The following CRB1 variants were observed in gnomAD, a reference collection of about 807,000 sequenced individuals.
CRB1 encodes protein crumbs homolog 1.
A neutral mutation model predicts 120.0 loss-of-function variants in CRB1; 83 were observed. The ratio of observed to expected loss-of-function variants is 0.69; its 90% CI spans 0.58 to 0.83. The LOEUF (loss-of-function observed/expected upper bound fraction) is 0.83, where lower values mean the gene tolerates loss of function less well. Among genes scored for constraint, CRB1 ranks in the 40% least tolerant of loss-of-function variants. CRB1 has a pLI of 0.00. For missense variants in CRB1, 1,699 were observed against 1,687.6 expected, an observed-to-expected ratio of 1.01 and a Z score of -0.12; for synonymous variants, 625 against 612.5, an observed-to-expected ratio of 1.02 and a Z score of -0.30.
chr1:197,476,811 C>G (rs754480490), intron 11 of CRB1, among the ~76,000 whole-genome samples: 5 of 152,116 alleles, frequency 3.3e-5, no homozygotes, highest in Non-Finnish European at 5.9e-5. Context: ...AGAAATATGT[C>G]TTTGAAAAAA....
intron 5 of CRB1, among the ~76,000 whole-genome samples, chr1:197,390,868 C>T (rs1023603156): frequency 2.0e-5 from 3 of 151,618 alleles, no homozygotes; most frequent in African/African-American, 4.8e-5. Context: ...ATTTCTAGCC[C>T]GAGGCCCTTA....
In CRB1 at chr1:197,355,681, C is replaced by T. The variant is rs906229711; in HGVS notation, c.989-1150C>T. Among the ~76,000 whole-genome samples, 57 of 152,166 alleles carry T rather than the reference C, an allele frequency of 3.7e-4. 1 individual carries two copies. The highest frequency in any genetic ancestry group is 3.9e-4 in the East Asian group (2 of 5,186). On this transcript the variant is annotated intron_variant, in intron 4 of 11. Coordinates refer to ENST00000367400, the MANE Select transcript of CRB1 (RefSeq NM_201253.3). Reference sequence around the variant, plus strand: ...GCCGTGGGCAGCGGCGCCCACCGGCCGCTCTGAGTTTTGGGCCGGCAAGCC... The same window carrying T: ...GCCGTGGGCAGCGGCGCCCACCGGCTGCTCTGAGTTTTGGGCCGGCAAGCC...
intron 1 of CRB1, among the ~76,000 whole-genome samples, chr1:197,286,206 T>C (rs1655816089): frequency 6.6e-6 from 1 of 151,878 alleles, no homozygotes; most frequent in African/African-American, 2.4e-5. Flanking sequence ...TTCTAGAAAA[T>C]AGAGAGAAGG....
chr1:197,438,609 G>A lies in CRB1; in HGVS notation c.3812G>A (p.Gly1271Glu), dbSNP rs1665276651. 3 of 1,613,036 alleles carry A rather than the reference G, an allele frequency of 1.9e-6. No individual in the cohort carries two copies. The highest frequency in any genetic ancestry group is 1.7e-6 in the Non-Finnish European group (2 of 1,179,168). ...NEKTNLTCYN[G>E]GNCTEFQTEL... ...AAGACAAATCTCACTTGCTACAATGGAGGCAACTGCACAGAGTTCCAGACT... is the reference window on the plus strand; with the variant it reads ...AAGACAAATCTCACTTGCTACAATGAAGGCAACTGCACAGAGTTCCAGACT... The change falls in exon 10 of 12, where the codon GGA becomes GAA. Residue 1271 changes from glycine to glutamate, a missense_variant. By Grantham distance (98) the Gly-to-Glu change is moderately conservative. Transcript: ENST00000367400.
chr1:197,461,573 A>T (rs936719323), intron 11 of CRB1, among the ~76,000 whole-genome samples: 9 of 152,168 alleles, frequency 5.9e-5, no homozygotes, highest in African/African-American at 2.2e-4. Flanking sequence ...TGGCACTGCA[A>T]GCTAGAGAGA....
chr1:197,338,776 AAAT>A (rs1158909382), intron 2 of CRB1, among the ~76,000 whole-genome samples: 9 of 152,234 alleles, frequency 5.9e-5, no homozygotes, highest in African/African-American at 1.9e-4. Context: ...TAGTTAAATA[AAAT>A]AATGACAAAG....
the CRB1 span, among the ~76,000 whole-genome samples, chr1:197,238,597 G>C: frequency 6.6e-6 from 1 of 152,122 alleles, no homozygotes; most frequent in Non-Finnish European, 1.5e-5. Context: ...TGTTACCCCA[G>C]CACTTTGGGA....
chr1:197,261,235 C>T, the CRB1 span, among the ~76,000 whole-genome samples: 3 of 152,122 alleles, frequency 2.0e-5, no homozygotes, highest in Non-Finnish European at 4.4e-5. Flanking sequence ...CTCAAAATTT[C>T]TGTATTTGCC....
intron 11 of CRB1, among the ~76,000 whole-genome samples, chr1:197,445,478 A>T (rs1332118590): frequency 6.6e-6 from 1 of 152,230 alleles, no homozygotes. Flanking sequence ...AGGAACTGTG[A>T]TAAGCCTTTT....
intron 2 of CRB1, among the ~76,000 whole-genome samples, chr1:197,335,220 A>T (rs12411128): frequency 9.2e-5 from 14 of 152,200 alleles, no homozygotes; most frequent in Admixed American, 9.2e-4. Flanking sequence ...CAGAGCAATA[A>T]TGAGGTCAGA....
chr1:197,318,567 C>T (rs1657989859), intron 1 of CRB1, among the ~76,000 whole-genome samples: 1 of 152,142 alleles, frequency 6.6e-6, no homozygotes, highest in Non-Finnish European at 1.5e-5. Context: ...TATTGTAGTA[C>T]CATTCACAAT....
Position 197,285,137 on chromosome 1 carries a change from T to C in CRB1, c.70+16655T>C, listed in dbSNP as rs565943401. 7.9e-5 allele frequency among the ~76,000 whole-genome samples: 12 copies of C among 151,996 alleles called. No homozygotes were observed. The South Asian group carries it at 2.1e-3, about 26-fold the overall frequency. On this transcript the variant is annotated intron_variant, in intron 1 of 11. Coordinates refer to ENST00000367400, the MANE Select transcript of CRB1 (RefSeq NM_201253.3). ...CATGTCAACATGAAAGTCCCCTTGA[T>C]TAGGAAGTTACCTAGTTGGTAACTG...
rs556584361 is a variant in CRB1, at chr1:197,346,814, G to A, written c.849-526G>A. On this transcript the variant is annotated intron_variant, in intron 3 of 11. Coordinates refer to ENST00000367400, the MANE Select transcript of CRB1 (RefSeq NM_201253.3). ...TGCAATCTAAAAATAAGAGAACATC[G>A]TAAGTCACAATTCATTTAATAAAGG... Among the ~76,000 whole-genome samples, 5 of 152,192 alleles carry A rather than the reference G, an allele frequency of 3.3e-5. No homozygotes were observed. The South Asian group carries it at 1.0e-3, about 32-fold the overall frequency.
the CRB1 span, among the ~76,000 whole-genome samples, chr1:197,208,437 C>T: frequency 3.0e-3 from 461 of 152,282 alleles, 2 homozygotes; most frequent in African/African-American, 0.011. Context: ...TGCTCTCCCC[C>T]TTCCCCTAGG....
intron 7 of CRB1, 145 bp downstream of exon 7, chr1:197,428,146 C>A: frequency 1.3e-6 from 1 of 760,996 alleles, no homozygotes; most frequent in Non-Finnish European, 2.1e-6. Flanking sequence ...CTATATTGTT[C>A]CAACAAGACT....
chr1:197,216,923 A>G, the CRB1 span, among the ~76,000 whole-genome samples: 1 of 152,136 alleles, frequency 6.6e-6, no homozygotes, highest in Non-Finnish European at 1.5e-5. Context: ...CCCATAAAGA[A>G]AGGACATTCT....
intron 11 of CRB1, among the ~76,000 whole-genome samples, chr1:197,465,038 C>CA: frequency 6.6e-6 from 1 of 152,112 alleles, no homozygotes. Flanking sequence ...ACTATTATTT[C>CA]AAAAAAAGAT....
intron 5 of CRB1, among the ~76,000 whole-genome samples, chr1:197,407,892 C>T (rs1663497431): frequency 6.6e-6 from 1 of 152,152 alleles, no homozygotes; most frequent in African/African-American, 2.4e-5. Context: ...GGTTTACAAC[C>T]TTTGCATTGA....
At chr1:197,476,571 A>C (rs1013294105) in intron 11 of CRB1, among the ~76,000 whole-genome samples, 1 of 152,306 alleles carries the variant, frequency 6.6e-6, no homozygotes, top group East Asian at 1.9e-4. Context: ...TATTGTGAGT[A>C]GATCCCAGAC....
Sources: allele counts gnomAD v4.1 joint callset (sites outside exome capture counted in the v4.1 genomes callset), GRCh38; gene constraint gnomAD v4.1.1; transcripts MANE v1.5; gene names NCBI Gene and HGNC (gene_info 2026-07-23, HGNC 2026-07-21).